Variants in CNTN4 observed in about 807,000 individuals in gnomAD.
The protein encoded by CNTN4 is contactin 4.
In CNTN4, 77 loss-of-function variants were observed where a neutral mutation model predicts 122.5. That is an observed-to-expected ratio of 0.63 (90% CI 0.52 to 0.76). CNTN4 has a LOEUF of 0.76. Among genes scored for constraint, CNTN4 ranks in the 30% least tolerant of loss-of-function variants. The pLI, the probability that CNTN4 is intolerant of heterozygous loss-of-function variation, is 0.00. For missense variants in CNTN4, 1,256 were observed against 1,259.1 expected, an observed-to-expected ratio of 1.00 and a Z score of 0.04; for synonymous variants, 512 against 447.0, an observed-to-expected ratio of 1.15 and a Z score of -1.83.
chr3:2,348,404 C>T (rs2044484381), intron 3 of CNTN4, among the ~76,000 whole-genome samples: 1 of 152,070 alleles, frequency 6.6e-6, no homozygotes, highest in African/African-American at 2.4e-5. Context: ...ATATATCTCC[C>T]TGTGCTTGGA....
chr3:2,671,996 C>T (rs564760049), intron 4 of CNTN4, among the ~76,000 whole-genome samples: 71 of 152,302 alleles, frequency 4.7e-4, no homozygotes, highest in Non-Finnish European at 7.8e-4. Flanking sequence ...AGAGGAGCAC[C>T]GGCCATGTGA....
intron 6 of CNTN4, among the ~76,000 whole-genome samples, chr3:2,797,201 A>G (rs540728473): frequency 5.9e-5 from 9 of 152,032 alleles, no homozygotes; most frequent in Non-Finnish European, 1.2e-4. Flanking sequence ...GGGTCTCACT[A>G]TGTTGTCCAG....
chr3:2,686,699 G>T (rs191610734), intron 4 of CNTN4, among the ~76,000 whole-genome samples: 112 of 152,252 alleles, frequency 7.4e-4, no homozygotes, highest in African/African-American at 2.6e-3. Context: ...GATGGTCTCT[G>T]CTTTCACATT....
At chr3:2,715,188 G>C (rs2087416278) in intron 4 of CNTN4, among the ~76,000 whole-genome samples, 1 of 152,060 alleles carries the variant, frequency 6.6e-6, no homozygotes, top group South Asian at 2.1e-4. Flanking sequence ...GTAGAAAACT[G>C]TATGTTTCTA....
chr3:2,658,965 GACACACACACACAC>G lies in CNTN4; in HGVS notation c.56-77218_56-77205del, dbSNP rs67168398. On this transcript the variant is annotated intron_variant, in intron 4 of 24. Transcript: ENST00000418658. ...AATAACACACCCACACACACAAACA[GACACACACACACAC>G]ACACACACACACACACACACACACA... Among the ~76,000 whole-genome samples the G allele has an allele frequency of 8.9e-3, 1,238 of 139,706 alleles. 18 individuals are homozygous for G. The highest frequency in any genetic ancestry group is 0.029 in the African/African-American group (1,111 of 38,116). 91.7% of individuals were successfully genotyped at this position (139,706 alleles called of 152,430 possible).
chr3:2,212,150 T>A, intron 2 of CNTN4, among the ~76,000 whole-genome samples: 1 of 152,034 alleles, frequency 6.6e-6, no homozygotes, highest in East Asian at 1.9e-4. Context: ...TTTTTTTGTA[T>A]TTTTTGTAGA....
At chr3:2,310,937 G>T (rs1575340679) in intron 2 of CNTN4, among the ~76,000 whole-genome samples, 1 of 151,972 alleles carries the variant, frequency 6.6e-6, no homozygotes, top group Admixed American at 6.6e-5. Flanking sequence ...GATGTGTTTT[G>T]AAAATTTCAC....
chr3:2,995,396 C>G (rs1279910083), intron 14 of CNTN4, among the ~76,000 whole-genome samples: 1 of 152,142 alleles, frequency 6.6e-6, no homozygotes, highest in Non-Finnish European at 1.5e-5. Flanking sequence ...CCCCTTTTGT[C>G]CAAATCTCTC....
chr3:2,631,425 T>A (rs1049672114), intron 4 of CNTN4, among the ~76,000 whole-genome samples: 1 of 152,012 alleles, frequency 6.6e-6, no homozygotes, highest in Non-Finnish European at 1.5e-5. Context: ...AAACAACACA[T>A]AATGCAATGA....
chr3:2,369,622 C>T (rs1489968863), intron 3 of CNTN4, among the ~76,000 whole-genome samples: 2 of 152,092 alleles, frequency 1.3e-5, no homozygotes, highest in African/African-American at 4.8e-5. Flanking sequence ...TGAGCCCATG[C>T]AGCAGAATAT....
chr3:2,282,799 G>A (rs2041765203), intron 2 of CNTN4, among the ~76,000 whole-genome samples: 1 of 152,068 alleles, frequency 6.6e-6, no homozygotes, highest in South Asian at 2.1e-4. Context: ...ACCATAAATG[G>A]AATATTATTC....
chr3:2,575,105 G>A (rs2079601310), intron 4 of CNTN4, among the ~76,000 whole-genome samples: 1 of 151,906 alleles, frequency 6.6e-6, no homozygotes, highest in Non-Finnish European at 1.5e-5. Context: ...AAACATTTAA[G>A]GTTCTGGATA....
At chr3:2,939,699 A>G (rs1306391753) in intron 13 of CNTN4, among the ~76,000 whole-genome samples, 1 of 152,344 alleles carries the variant, frequency 6.6e-6, no homozygotes, top group East Asian at 1.9e-4. Context: ...AGATGGGACC[A>G]TAAAGAAAGA....
intron 14 of CNTN4, 71 bp from the exon 15 acceptor site, chr3:3,026,031 T>G (rs1698689038): frequency 7.1e-7 from 1 of 1,406,200 alleles, no homozygotes; most frequent in South Asian, 1.2e-5. Flanking sequence ...GCTCTTGGAG[T>G]CTACATTGTA....
intron 3 of CNTN4, among the ~76,000 whole-genome samples, chr3:2,522,670 C>G (rs1410606159): frequency 6.6e-6 from 1 of 151,736 alleles, no homozygotes; most frequent in Non-Finnish European, 1.5e-5. Context: ...TGTGGAAATG[C>G]AGATTCTGAT....
rs568820622 is a variant in CNTN4, at chr3:2,346,171, A to G, written c.-89+6938A>G. ...TGCTTTTCCACCTTCTTCTAAATTA[A>G]CTGGTTTTCTTAATTCCATTAATTT... On this transcript the variant is annotated intron_variant, in intron 3 of 24. Transcript: ENST00000418658. 2.0e-5 allele frequency among the ~76,000 whole-genome samples: 3 copies of G among 152,196 alleles called. No individual in the cohort carries two copies. In the South Asian group the frequency reaches 6.2e-4, roughly 32 times the overall value.
chr3:2,594,372 T>C (rs945307939), intron 4 of CNTN4, among the ~76,000 whole-genome samples: 13 of 152,130 alleles, frequency 8.5e-5, no homozygotes, highest in Non-Finnish European at 1.8e-4. Context: ...TACAGGATTA[T>C]TTGCCCTGGA....
At chr3:3,013,140 A>G (rs1697400743) in intron 14 of CNTN4, among the ~76,000 whole-genome samples, 1 of 152,050 alleles carries the variant, frequency 6.6e-6, no homozygotes, top group African/African-American at 2.4e-5. Flanking sequence ...TGTTTTATGA[A>G]GCATGTTAAA....
At chr3:2,318,069 G>GA (rs1012352345) in intron 2 of CNTN4, among the ~76,000 whole-genome samples, 2 of 151,944 alleles carry the variant, frequency 1.3e-5, no homozygotes, top group Non-Finnish European at 2.9e-5. Context: ...TTAAGACGCC[G>GA]AGCTCTGTGG....
Sources: gnomAD v4.1 joint callset for allele counts (sites outside exome capture counted in the v4.1 genomes callset) on GRCh38, gnomAD v4.1.1 for gene constraint, MANE v1.5 for transcripts, NCBI Gene and HGNC (gene_info 2026-07-23, HGNC 2026-07-21) for gene names.